Variants in COL10A1 observed in about 807,000 individuals in gnomAD.
The protein encoded by COL10A1 is collagen type X alpha 1 chain.
COL10A1 carries 10 observed loss-of-function variants against 18.2 expected under a neutral mutation model. The ratio of observed to expected loss-of-function variants is 0.55; its 90% CI spans 0.34 to 0.93. The LOEUF is 0.93. Among genes scored for constraint, COL10A1 ranks in the 40% least tolerant of loss-of-function variants. The probability of loss-of-function intolerance (pLI) is 0.02; values close to 1 mark genes in which losing one functional copy is unlikely to be tolerated. For missense variants in COL10A1, 897 were observed against 853.5 expected, an observed-to-expected ratio of 1.05 and a Z score of -0.64; for synonymous variants, 330 against 316.6, an observed-to-expected ratio of 1.04 and a Z score of -0.45.
At chr6:116,216,016 C>T in the COL10A1 span, among the ~76,000 whole-genome samples, 1 of 151,912 alleles carries the variant, frequency 6.6e-6, no homozygotes, top group South Asian at 2.1e-4. Context: ...ACACTTTTTC[C>T]AGGAATCCTC....
At position 116,139,997 on chromosome 6, in the gene COL10A1, A is replaced by G. The variant is rs534747257; in HGVS notation, c.-15-14490T>C. Among the ~76,000 whole-genome samples, 13 of 152,304 alleles carry G rather than the reference A, an allele frequency of 8.5e-5. No individual in the cohort carries two copies. The East Asian group carries it at 2.5e-3, about 29-fold the overall frequency. ...GTGTTTTGCTTTTCTTATTTGATCC[A>G]GAAGAGACTTACGTGATAGATATTA... On this transcript the variant is annotated intron_variant, in intron 1 of 1. Coordinates refer to the COL10A1 transcript ENST00000418500.
chr6:116,159,386 G>T (rs1780278206), upstream of COL10A1, among the ~76,000 whole-genome samples: 1 of 152,080 alleles, frequency 6.6e-6, no homozygotes, highest in Admixed American at 6.6e-5. Flanking sequence ...AATTATTTGA[G>T]AATTTACACA....
chr6:116,163,139 A>ATATATATATAT (rs1329810394), upstream of COL10A1, among the ~76,000 whole-genome samples: 15 of 100,392 alleles, frequency 1.5e-4, no homozygotes, highest in East Asian at 2.7e-3. Flanking sequence ...AAAAAAAAAA[A>ATATATATATAT]AAATATATAT....
At chr6:116,175,423 C>G in the COL10A1 span, among the ~76,000 whole-genome samples, 1 of 152,138 alleles carries the variant, frequency 6.6e-6, no homozygotes, top group Non-Finnish European at 1.5e-5. Context: ...GAGTATTTAT[C>G]TCACTGAACT....
chr6:116,200,001 G>GC, the COL10A1 span, among the ~76,000 whole-genome samples: 27,559 of 149,914 alleles, frequency 0.18, 2,761 homozygotes, highest in East Asian at 0.31. Context: ...ATGGAAAGTG[G>GC]GGGGGGAAGA....
chr6:116,205,456 C>G, the COL10A1 span, among the ~76,000 whole-genome samples: 1 of 134,906 alleles, frequency 7.4e-6, no homozygotes, highest in East Asian at 2.0e-4. Flanking sequence ...AGATAATTTC[C>G]CTGTTATCTG....
chr6:116,158,269 A>T lies in COL10A1; in HGVS notation c.-16+345T>A, dbSNP rs1025255119. 1.1e-4 allele frequency among the ~76,000 whole-genome samples: 16 copies of T among 152,032 alleles called. 1 individual carries two copies. The highest frequency in any genetic ancestry group is 3.9e-4 in the African/African-American group (16 of 41,390). On this transcript the variant is annotated intron_variant, in intron 1 of 1. Coordinates refer to the COL10A1 transcript ENST00000418500. ...TAGTGTGCTACCTCGATGAAGATAC[A>T]TGGCATTTCAAACAATAGCTTTCTT...
At chr6:116,134,929 G>A (rs1473461952) in intron 1 of COL10A1, among the ~76,000 whole-genome samples, 1 of 152,126 alleles carries the variant, frequency 6.6e-6, no homozygotes, top group African/African-American at 2.4e-5. Flanking sequence ...AGAATCTTGG[G>A]AGTTTAGAGA....
rs1412403141 is a variant in COL10A1 at position 116,119,491 on chromosome 6, G to A, written c.*582C>T. 6.5e-6 allele frequency: 1 copy of A among 152,788 alleles called. No individual in the cohort carries two copies. The highest frequency in any genetic ancestry group is 1.5e-5 in the Non-Finnish European group (1 of 68,208). The allele number at this position is 152,788 out of a possible 1,614,324, so 9.5% of individuals were successfully genotyped here. A position where few individuals can be genotyped will look rare whatever the true frequency, so the allele number is the denominator to read the frequency against. ...TATAAGAGCTTTAACAAGTATATAT[G>A]CACCTGTATATTTGAATAGATATTG... On this transcript the variant is annotated 3_prime_UTR_variant, in exon 3 of 3. Coordinates refer to ENST00000651968, the MANE Select transcript of COL10A1 (RefSeq NM_000493.4).
the COL10A1 span, among the ~76,000 whole-genome samples, chr6:116,199,578 C>T: frequency 6.6e-6 from 1 of 152,058 alleles, no homozygotes; most frequent in Non-Finnish European, 1.5e-5. Context: ...GAAGCCAGGG[C>T]TCCTTGGAGA....
intron 1 of COL10A1, among the ~76,000 whole-genome samples, chr6:116,146,682 G>A (rs766871997): frequency 1.6e-4 from 24 of 152,086 alleles, no homozygotes; most frequent in Non-Finnish European, 2.6e-4. Context: ...ACTTAAGTAT[G>A]CTATAAATCT....
At chr6:116,152,930 A>T (rs1780085097) in intron 1 of COL10A1, among the ~76,000 whole-genome samples, 1 of 152,086 alleles carries the variant, frequency 6.6e-6, no homozygotes, top group Admixed American at 6.6e-5. Flanking sequence ...AATAACCTAT[A>T]ATCCTCCTCC....
At chr6:116,167,772 C>T in the COL10A1 span, among the ~76,000 whole-genome samples, 4 of 152,034 alleles carry the variant, frequency 2.6e-5, no homozygotes, top group Admixed American at 6.5e-5. Context: ...GTTGCATAGC[C>T]CTCAAGTTGT....
chr6:116,213,613 A>G, the COL10A1 span, among the ~76,000 whole-genome samples: 1 of 152,136 alleles, frequency 6.6e-6, no homozygotes, highest in Non-Finnish European at 1.5e-5. Flanking sequence ...AACTCAATCC[A>G]CTTCACATCT....
chr6:116,146,666 TCTTAAA>T (rs1358286109), intron 1 of COL10A1, among the ~76,000 whole-genome samples: 1 of 152,220 alleles, frequency 6.6e-6, no homozygotes, highest in Non-Finnish European at 1.5e-5. Flanking sequence ...AACTTATGTT[TCTTAAA>T]CTTAAGTATG....
chr6:116,153,167 ACATAATTT>A (rs1250387614), intron 1 of COL10A1, among the ~76,000 whole-genome samples: 1 of 151,962 alleles, frequency 6.6e-6, no homozygotes, highest in Non-Finnish European at 1.5e-5. Flanking sequence ...CAAATATACA[ACATAATTT>A]TTGAGTAGGG....
the COL10A1 span, among the ~76,000 whole-genome samples, chr6:116,178,118 T>C: frequency 2.0e-4 from 30 of 151,202 alleles, no homozygotes; most frequent in African/African-American, 6.4e-4. Context: ...TGCGTGTGTG[T>C]GTGTGTGTGT....
At chr6:116,153,761 G>A (rs1780111601) in intron 1 of COL10A1, among the ~76,000 whole-genome samples, 1 of 152,124 alleles carries the variant, frequency 6.6e-6, no homozygotes, top group South Asian at 2.1e-4. Flanking sequence ...TCATTTTTAT[G>A]TTTTATGCAA....
At chr6:116,148,349 A>G (rs895518921) in intron 1 of COL10A1, among the ~76,000 whole-genome samples, 3 of 152,226 alleles carry the variant, frequency 2.0e-5, no homozygotes, top group Non-Finnish European at 4.4e-5. Context: ...AAAGCAAAAT[A>G]GAAAATATTG....
Sources: gnomAD v4.1 joint callset for allele counts (sites outside exome capture counted in the v4.1 genomes callset) on GRCh38, gnomAD v4.1.1 for gene constraint, MANE v1.5 for transcripts, NCBI Gene and HGNC (gene_info 2026-07-23, HGNC 2026-07-21) for gene names.